The following PCDHA10 variants were observed in gnomAD, a reference collection of about 807,000 sequenced individuals.
The protein encoded by PCDHA10 is protocadherin alpha-10.
A neutral mutation model predicts 61.2 loss-of-function variants in PCDHA10; 45 were observed. The ratio of observed to expected loss-of-function variants is 0.74; its 90% CI spans 0.58 to 0.94. The LOEUF (loss-of-function observed/expected upper bound fraction) is 0.94. PCDHA10 is among the 40% of genes least tolerant of loss of function. The probability of loss-of-function intolerance (pLI) is 0.00; values close to 1 mark genes in which losing one functional copy is unlikely to be tolerated. For synonymous variants in PCDHA10, 602 were observed against 548.8 expected (o/e 1.10, Z -1.35); for missense variants, 1,278 against 1,236.2 (o/e 1.03, Z -0.51).
chr5:140,877,015 G>C (rs371309003), intron 1 of PCDHA10: 9 of 1,612,358 alleles, frequency 5.6e-6, no homozygotes, highest in Non-Finnish European at 7.6e-6. Context: ...CGCGGAGAGC[G>C]GCAAGGTGTA....
At chr5:140,987,515 T>TA (rs2097257557) in intron 3 of PCDHA10, among the ~76,000 whole-genome samples, 1 of 152,160 alleles carries the variant, frequency 6.6e-6, no homozygotes, top group African/African-American at 2.4e-5. Flanking sequence ...TGCCACTCAG[T>TA]AATTGTATGT....
intron 1 of PCDHA10, among the ~76,000 whole-genome samples, chr5:140,965,602 A>G (rs1319736678): frequency 6.6e-6 from 1 of 152,126 alleles, no homozygotes; most frequent in African/African-American, 2.4e-5. Context: ...AGACTCTTGA[A>G]GACATTGTCA....
In PCDHA10 at chr5:140,970,051, C is replaced by T. The variant is rs915260486; in HGVS notation, c.2389-8898C>T. 4.0e-5 allele frequency among the ~76,000 whole-genome samples: 6 copies of T among 151,880 alleles called. No individual in the cohort carries two copies. The South Asian group carries it at 1.2e-3, about 32-fold the overall frequency. On this transcript the variant is annotated intron_variant, in intron 1 of 3. Coordinates refer to ENST00000307360, the MANE Select transcript of PCDHA10 (RefSeq NM_018901.4). Reference sequence around the variant, plus strand: ...TTAAGTACCAATTTGTCTGGTTGGTCCAGGGAGGTATTAGAATGAGTGGAT... The same window carrying T: ...TTAAGTACCAATTTGTCTGGTTGGTTCAGGGAGGTATTAGAATGAGTGGAT...
intron 1 of PCDHA10, among the ~76,000 whole-genome samples, chr5:140,974,729 G>C (rs1007565470): frequency 2.6e-5 from 4 of 152,032 alleles, no homozygotes; most frequent in African/African-American, 9.7e-5. Flanking sequence ...TCGAACTCCT[G>C]TCTCCACCTT....
chr5:141,006,769 A>G (rs575481848), intron 3 of PCDHA10, among the ~76,000 whole-genome samples: 1 of 152,208 alleles, frequency 6.6e-6, no homozygotes, highest in Non-Finnish European at 1.5e-5. Flanking sequence ...AGAATAGAAT[A>G]GAGAAAAATG....
At chr5:141,000,412 TATATATA>T (rs1563651366) in intron 3 of PCDHA10, among the ~76,000 whole-genome samples, 7 of 102,770 alleles carry the variant, frequency 6.8e-5, no homozygotes, top group African/African-American at 2.7e-4. Context: ...TATATATATA[TATATATA>T]TATTTTTTTT....
intron 1 of PCDHA10, chr5:140,884,056 G>T (rs782776341): frequency 6.2e-7 from 1 of 1,613,358 alleles, no homozygotes; most frequent in Non-Finnish European, 8.5e-7. Flanking sequence ...AGGTGCGCGC[G>T]GTGGACGCCG....
chr5:140,940,485 ACAAGT>A (rs1554213400), intron 1 of PCDHA10, among the ~76,000 whole-genome samples: 1 of 151,718 alleles, frequency 6.6e-6, no homozygotes, highest in African/African-American at 2.4e-5. Flanking sequence ...TTTTTTCAAG[ACAAGT>A]CTTGCTCCGT....
At chr5:140,873,867 G>A (rs2054538446) in intron 1 of PCDHA10, among the ~76,000 whole-genome samples, 1 of 152,098 alleles carries the variant, frequency 6.6e-6, no homozygotes, top group Non-Finnish European at 1.5e-5. Flanking sequence ...CACCATGTTG[G>A]CCAGGCTGGT....
rs138092357 is a variant in PCDHA10 at position 140,856,175 on chromosome 5, T to C, written c.127T>C (p.Phe43Leu). The change falls in exon 1 of 4, where the codon TTC (phenylalanine) becomes CTC (leucine). Residue 43 changes from phenylalanine (F) to leucine (L), a missense_variant. Transcript: ENST00000307360. ...SVYEEARHGTFVGRIAQDLGL... is the reference protein window; with the variant it reads ...SVYEEARHGTLVGRIAQDLGL... The stretch of plus-strand genomic sequence containing the variant: ...CTACGAGGAGGCCAGACACGGCACC[T>C]TCGTGGGCCGCATCGCGCAGGACCT... The C allele has an allele frequency of 1.5e-4, 244 of 1,598,214 alleles. 13 individuals are homozygous for C. The African/African-American group carries it at 2.9e-3, about 19-fold the overall frequency.
At chr5:140,987,893 G>A (rs571929057) in intron 3 of PCDHA10, among the ~76,000 whole-genome samples, 82 of 152,138 alleles carry the variant, frequency 5.4e-4, no homozygotes, top group Admixed American at 1.5e-3. Context: ...ATGTGCCCTA[G>A]TTTTATATGG....
At chr5:140,968,644 G>C (rs1554230935) in intron 1 of PCDHA10, 3 of 1,614,046 alleles carry the variant, frequency 1.9e-6, no homozygotes, top group African/African-American at 2.7e-5. Context: ...ATCTAGCCCA[G>C]ACTTCTGACC....
At chr5:140,929,160 T>G in intron 1 of PCDHA10, 1 of 1,614,130 alleles carries the variant, frequency 6.2e-7, no homozygotes, top group East Asian at 2.2e-5. Context: ...CTTATCTCTA[T>G]CGGGCCTCTC....
chr5:140,928,637 A>C (rs781828981), intron 1 of PCDHA10: 1 of 1,614,202 alleles, frequency 6.2e-7, no homozygotes, highest in South Asian at 1.1e-5. Context: ...TTGGTCACAA[A>C]AGTGGTAGCA....
chr5:140,890,543 CTGAG>C (rs1391853747), intron 1 of PCDHA10, among the ~76,000 whole-genome samples: 1 of 152,012 alleles, frequency 6.6e-6, no homozygotes, highest in African/African-American at 2.4e-5. Context: ...TTTGAAATGA[CTGAG>C]TACTTTTTAT....
chr5:140,907,139 T>C (rs2073191409), intron 1 of PCDHA10, among the ~76,000 whole-genome samples: 1 of 152,148 alleles, frequency 6.6e-6, no homozygotes, highest in African/African-American at 2.4e-5. Context: ...GAATTCCGGC[T>C]ATGGGAGAAA....
At chr5:141,004,843 A>G (rs2098184369) in intron 3 of PCDHA10, among the ~76,000 whole-genome samples, 1 of 152,230 alleles carries the variant, frequency 6.6e-6, no homozygotes, top group African/African-American at 2.4e-5. Context: ...CAAAGTCATT[A>G]GTCTCAGAGA....
chr5:140,890,499 TTA>T (rs1320014650), intron 1 of PCDHA10, among the ~76,000 whole-genome samples: 1 of 152,222 alleles, frequency 6.6e-6, no homozygotes, highest in Non-Finnish European at 1.5e-5. Flanking sequence ...CTCACCATTT[TTA>T]TGTCTCTATT....
At chr5:140,869,882 T>C (rs1181573683) in intron 1 of PCDHA10, 1 of 1,610,250 alleles carries the variant, frequency 6.2e-7, no homozygotes, top group African/African-American at 1.3e-5. Flanking sequence ...AAAGAAACTC[T>C]TGTGCTCAAA....
Sources: gnomAD v4.1 joint callset for allele counts (sites outside exome capture counted in the v4.1 genomes callset) on GRCh38, gnomAD v4.1.1 for gene constraint, MANE v1.5 for transcripts, NCBI Gene and HGNC (gene_info 2026-07-23, HGNC 2026-07-21) for gene names.